Variants in TUBB4A observed in about 807,000 individuals in gnomAD.
TUBB4A encodes the protein tubulin beta 4A class IVa.
In TUBB4A, 13 loss-of-function variants were observed where a neutral mutation model predicts 35.1. The ratio of observed to expected loss-of-function variants is 0.37; its 90% CI spans 0.24 to 0.59. TUBB4A has a LOEUF of 0.59. TUBB4A is among the 20% of genes least tolerant of loss of function. TUBB4A has a pLI of 0.71. For synonymous variants in TUBB4A, 279 were observed against 272.4 expected, an observed-to-expected ratio of 1.02 and a Z score of -0.24; for missense variants, 299 against 647.2, an observed-to-expected ratio of 0.46 and a Z score of 5.84.
At chr19:6,496,632 A>AAAG (rs149600647) in intron 3 of TUBB4A, among the ~76,000 whole-genome samples, 1 of 143,430 alleles carries the variant, frequency 7.0e-6, no homozygotes, top group Non-Finnish European at 1.5e-5. Context: ...CTCCGTCTCA[A>AAAG]AATAATAATA....
In TUBB4A at chr19:6,497,917, A is replaced by AAG. The variant is rs1555754669; in HGVS notation, c.278-1697_278-1696insCT. 4.8e-3 allele frequency among the ~76,000 whole-genome samples: 653 copies of AAG among 136,192 alleles called. 9 individuals carry two copies. Among genetic ancestry groups the AAG allele is most frequent in the African/African-American group, 0.017 (587 of 35,498 alleles). The allele number at this position is 136,192 out of a possible 152,430, so 89.3% of individuals were successfully genotyped here. ...CCGTCTCAAAAAAAAAAAAAAAAAA[A>AAG]AAGAAGAATATTGGCCAGGCGTGGT... On this transcript the variant is annotated intron_variant, in intron 3 of 3. Transcript: ENST00000264071.
In TUBB4A at chr19:6,501,442, C is replaced by T; in HGVS notation, c.167-45G>A. 1 of 1,603,404 alleles carries T rather than the reference C, an allele frequency of 6.2e-7. No individual in the cohort carries two copies. Among genetic ancestry groups the T allele is most frequent in the African/African-American group, 1.3e-5 (1 of 74,844 alleles). ...GGGCAGTTCGATGCGTGCCAGGAAC[C>T]ACAGGCGCCCGGTAGCATCCTGTTC... is the stretch of plus-strand genomic sequence containing the variant. On this transcript the variant is annotated intron_variant, in intron 2 of 3. Coordinates refer to ENST00000264071, the MANE Select transcript of TUBB4A (RefSeq NM_006087.4). The surrounding 1 kb of genome is among the most constrained non-coding windows in gnomAD (Gnocchi z 4.2).
intron 3 of TUBB4A, among the ~76,000 whole-genome samples, chr19:6,498,975 T>C (rs1186520674): frequency 6.6e-6 from 1 of 152,090 alleles, no homozygotes; most frequent in Non-Finnish European, 1.5e-5. Context: ...GGGCTTACAG[T>C]TGGGCCAAGA....
intron 3 of TUBB4A, 154 bp from the exon 4 acceptor site, chr19:6,496,375 A>G: frequency 1.4e-6 from 1 of 740,366 alleles, no homozygotes. Context: ...CACACCTGTA[A>G]TCCCAGCACT....
At position 6,501,294 on chromosome 19, in the gene TUBB4A, G is replaced by A. The variant is rs369521667; in HGVS notation, c.270C>T (p.Phe90=). The A allele has an allele frequency of 1.2e-6, 2 of 1,613,758 alleles. No individual in the cohort carries two copies. The highest frequency in any genetic ancestry group is 1.3e-5 in the African/African-American group (1 of 75,052). Reference sequence around the variant, plus strand: ...CCCTGCTGGGGGACTCACCAAACACGAAGTTGTCCGGCCGAAAGATCTGAC... The same window carrying A: ...CCCTGCTGGGGGACTCACCAAACACAAAGTTGTCCGGCCGAAAGATCTGAC... ...PFGQIFRPDN[F]VFGQSGAGNN... is the part of the protein sequence containing the mutation. The change falls in exon 3 of 4, where the codon TTC becomes TTT. Residue 90 remains phenylalanine (F), a synonymous_variant. Transcript: ENST00000264071. The surrounding 1 kb of genome is among the most constrained non-coding windows in gnomAD (Gnocchi z 4.2).
In TUBB4A at chr19:6,501,579, G is replaced by T. The variant is rs765284619; in HGVS notation, c.102C>A (p.Gly34=). 7 of 1,614,160 alleles carry T rather than the reference G, an allele frequency of 4.3e-6. No homozygotes were observed. Among genetic ancestry groups the T allele is most frequent in the South Asian group, 1.1e-5 (1 of 91,082 alleles). ...GCAGGTCACTGTCCCCATGGTATGT[G>T]CCTGTGGGGTCGATGCCATGTTCGT... The part of the protein sequence containing the change: ...ISDEHGIDPT[G]TYHGDSDLQL... The change falls in exon 2 of 4, where the codon GGC becomes GGA. Residue 34 remains glycine, a synonymous_variant. Transcript: ENST00000264071. The surrounding 1 kb of genome is among the most constrained non-coding windows in gnomAD (Gnocchi z 4.2).
intron 3 of TUBB4A, chr19:6,500,823 C>T (rs543478959): frequency 6.4e-6 from 1 of 155,708 alleles, no homozygotes; most frequent in African/African-American, 2.4e-5. Context: ...CTGAATCAAC[C>T]CCTGGCAGAG....
At position 6,501,668 on chromosome 19, in the gene TUBB4A, T is replaced by A; in HGVS notation, c.58-45A>T. ...GAAGAGTTGAGAGAGGGGAAGCCGG[T>A]GGCCAAGCCGAGGACTGCCCCCAGC... On this transcript the variant is annotated intron_variant, in intron 1 of 3. Coordinates refer to ENST00000264071, the MANE Select transcript of TUBB4A (RefSeq NM_006087.4). This position sits in a 1 kb window ranked among gnomAD's most constrained non-coding sequence, Gnocchi z 4.2. The A allele has an allele frequency of 1.3e-6, 2 of 1,561,818 alleles. No individual in the cohort carries two copies. The highest frequency in any genetic ancestry group is 1.2e-5 in the South Asian group (1 of 86,810).
At chr19:6,497,528 A>G (rs898505239) in intron 3 of TUBB4A, among the ~76,000 whole-genome samples, 2 of 151,842 alleles carry the variant, frequency 1.3e-5, no homozygotes, top group Non-Finnish European at 2.9e-5. Context: ...GGCCTCCTAA[A>G]GTGCTGGGAT....
At chr19:6,498,514 C>T (rs1914376815) in intron 3 of TUBB4A, among the ~76,000 whole-genome samples, 1 of 152,212 alleles carries the variant, frequency 6.6e-6, no homozygotes, top group Non-Finnish European at 1.5e-5. Flanking sequence ...CCCTGCAGGC[C>T]ACAAGGCCCT....
At position 6,495,121 on chromosome 19, in the gene TUBB4A, G is replaced by T. The variant is rs770639949; in HGVS notation, c.*43C>A. ...AGATGGGGGGCCTAGCGGATCAAAG[G>T]TCAGAAGCCTCGAGGGGACAGGTGG... On this transcript the variant is annotated 3_prime_UTR_variant, in exon 4 of 4. Transcript: ENST00000264071. This position sits in a 1 kb window ranked among gnomAD's most constrained non-coding sequence, Gnocchi z 8.7. 5.6e-6 allele frequency: 9 copies of T among 1,605,590 alleles called. No individual in the cohort carries two copies. In the Admixed American group the frequency reaches 1.2e-4, roughly 21 times the overall value.
rs1399440240 is a variant in TUBB4A at position 6,496,156 on chromosome 19, C to T, written c.343G>A (p.Ala115Thr). 8.1e-6 allele frequency: 13 copies of T among 1,614,040 alleles called. No individual in the cohort carries two copies. The highest frequency in any genetic ancestry group is 4.0e-5 in the African/African-American group (3 of 74,932). The part of the protein sequence containing the change: ...HYTEGAELVD[A>T]VLDVVRKEAE... ...TCCTTCCGGACTACGTCCAGGACAG[C>T]GTCCACCAGCTCTGCGCCCTCCGTG... Residue 115 changes from alanine (A) to threonine (T), a missense_variant, in exon 4 of 4, where the codon GCT (alanine) becomes ACT (threonine). Around this residue, in one of 5 missense-constraint regions of TUBB4A, gnomAD observed 123 missense variants for 226.0 expected, o/e 0.54. Transcript: ENST00000264071.
chr19:6,498,316 G>A (rs1338382555), intron 3 of TUBB4A, among the ~76,000 whole-genome samples: 2 of 151,986 alleles, frequency 1.3e-5, no homozygotes, highest in Non-Finnish European at 1.5e-5. Flanking sequence ...TTCAGCTCCA[G>A]CATCACCCTC....
intron 3 of TUBB4A, 25 bp from the exon 4 acceptor site, chr19:6,496,246 C>T (rs374382127): frequency 1.9e-6 from 3 of 1,586,514 alleles, no homozygotes; most frequent in Non-Finnish European, 2.6e-6. Flanking sequence ...GGAGGGGACA[C>T]ACATGCAGTT....
rs1461760748 is a variant in TUBB4A, at chr19:6,502,233, A to T, written c.-21T>A. 1 of 1,517,580 alleles carries T rather than the reference A, an allele frequency of 6.6e-7. No individual in the cohort carries two copies. Among genetic ancestry groups the T allele is most frequent in the African/African-American group, 1.4e-5 (1 of 69,342 alleles). 94.0% of individuals were successfully genotyped at this position (1,517,580 alleles called of 1,614,324 possible). On this transcript the variant is annotated 5_prime_UTR_variant, in exon 1 of 4. Coordinates refer to ENST00000264071, the MANE Select transcript of TUBB4A (RefSeq NM_006087.4). ...CGCATGGCGGTGGCGCTGAGGGTGGACGCGGCGGCGGTGGCACGAGCGCGG... is the reference window on the plus strand; with the variant it reads ...CGCATGGCGGTGGCGCTGAGGGTGGTCGCGGCGGCGGTGGCACGAGCGCGG...
chr19:6,502,437 C>T, upstream of TUBB4A: 1 of 512,730 alleles, frequency 2.0e-6, no homozygotes, highest in Non-Finnish European at 3.3e-6. Flanking sequence ...GGAGGTGGTG[C>T]AGGGACCTCC....
chr19:6,495,514 G>A lies in TUBB4A; in HGVS notation c.985C>T (p.Gln329Ter). 6.2e-7 allele frequency: 1 copy of A among 1,614,216 alleles called. No individual in the cohort carries two copies. The highest frequency in any genetic ancestry group is 8.5e-7 in the Non-Finnish European group (1 of 1,180,036). ...GRMSMKEVDE[Q>*]MLSVQSKNSS... Reference sequence around the variant, plus strand: ...TTCTTGCTCTGCACGCTCAGCATCTGCTCGTCCACCTCCTTCATGGACATG... The same window carrying A: ...TTCTTGCTCTGCACGCTCAGCATCTACTCGTCCACCTCCTTCATGGACATG... The change falls in exon 4 of 4, where the codon CAG becomes TAG. Residue 329 changes from glutamine to a stop codon, truncating the protein, a stop_gained. Transcript: ENST00000264071. LOFTEE classifies it high-confidence loss of function. The surrounding 1 kb of genome is among the most constrained non-coding windows in gnomAD (Gnocchi z 8.7).
Position 6,494,952 on chromosome 19 carries a change from G to T in TUBB4A, c.*212C>A. 3.2e-6 allele frequency: 2 copies of T among 633,778 alleles called. No individual in the cohort carries two copies. Among genetic ancestry groups the T allele is most frequent in the Non-Finnish European group, 2.7e-6 (1 of 368,558 alleles). 39.3% of individuals were successfully genotyped at this position (633,778 alleles called of 1,614,324 possible). ...TCCTGGGAATGTCAAGGTTGGAAGA[G>T]CTCAAGGGGGTTAAAGATAAATTAG... On this transcript the variant is annotated 3_prime_UTR_variant, in exon 4 of 4. Transcript: ENST00000264071.
Position 6,501,077 on chromosome 19 carries a change from C to G in TUBB4A, c.277+210G>C. On this transcript the variant is annotated intron_variant, in intron 3 of 3. Transcript: ENST00000264071. The surrounding 1 kb of genome is among the most constrained non-coding windows in gnomAD (Gnocchi z 4.2). The stretch of plus-strand genomic sequence containing the variant: ...TAAAATGCCACCTCCTCCAGGAAGA[C>G]TTCCCTGAATCCTTCTCTGTATCCG... 1.9e-6 allele frequency: 1 copy of G among 535,168 alleles called. No individual in the cohort carries two copies. Among genetic ancestry groups the G allele is most frequent in the Non-Finnish European group, 3.3e-6 (1 of 302,614 alleles). 33.2% of individuals were successfully genotyped at this position (535,168 alleles called of 1,614,324 possible). A position where few individuals can be genotyped will look rare whatever the true frequency, so the allele number is the denominator to read the frequency against.
Sources: gnomAD v4.1 joint callset for allele counts (sites outside exome capture counted in the v4.1 genomes callset) on GRCh38, gnomAD v4.1.1 for gene constraint, gnomAD v4.1.1 regional missense constraint, Gnocchi (gnomAD v3.1) non-coding constraint, MANE v1.5 for transcripts, NCBI Gene and HGNC (gene_info 2026-07-23, HGNC 2026-07-21) for gene names.